Variants in GRIK3 observed in about 807,000 individuals in gnomAD.
GRIK3 encodes the protein glutamate ionotropic receptor kainate type subunit 3, also known as glutamate receptor ionotropic, kainate 3.
GRIK3 carries 29 observed loss-of-function variants against 102.5 expected under a neutral mutation model. The observed-to-expected ratio is 0.28, with a 90% CI of 0.21 to 0.39. The LOEUF (loss-of-function observed/expected upper bound fraction) is 0.39. Among genes scored for constraint, GRIK3 ranks in the 10% least tolerant of loss-of-function variants. The pLI is 1.00. For missense variants in GRIK3, 908 were observed against 1,252.4 expected (o/e 0.73, Z 4.15); for synonymous variants, 511 against 504.9 (o/e 1.01, Z -0.16).
intron 1 of GRIK3, among the ~76,000 whole-genome samples, chr1:36,998,666 A>G (rs139784600): frequency 0.01 from 1,560 of 152,228 alleles, 12 homozygotes; most frequent in Admixed American, 0.019. Context: ...TATCATCTCC[A>G]TTTTATAGAA....
At chr1:36,903,098 T>C (rs1357922664) in intron 1 of GRIK3, among the ~76,000 whole-genome samples, 2 of 152,222 alleles carry the variant, frequency 1.3e-5, no homozygotes, top group Non-Finnish European at 2.9e-5. Context: ...GATGATGGAC[T>C]ATTATCCAAC....
chr1:36,949,353 C>T (rs371363487), intron 1 of GRIK3, among the ~76,000 whole-genome samples: 1 of 152,186 alleles, frequency 6.6e-6, no homozygotes, highest in Admixed American at 6.5e-5. Flanking sequence ...CACTCTGTCT[C>T]TTTCAACTCT....
chr1:36,855,036 G>A (rs1640634760), intron 7 of GRIK3, among the ~76,000 whole-genome samples: 1 of 152,206 alleles, frequency 6.6e-6, no homozygotes, highest in African/African-American at 2.4e-5. Flanking sequence ...AGCTTTCTGT[G>A]TCAGGGGCAA....
rs144754408 is a variant in GRIK3, at chr1:36,880,710, C to T, written c.474G>A (p.Ser158=). 69 of 1,614,100 alleles carry T rather than the reference C, an allele frequency of 4.3e-5. No individual in the cohort carries two copies. The highest frequency in any genetic ancestry group is 1.7e-4 in the Admixed American group (10 of 60,008). Residue 158 remains serine, a synonymous_variant, in exon 3 of 16, where the codon TCG becomes TCA. Transcript: ENST00000373091. This position sits in a 1 kb window ranked among gnomAD's most constrained non-coding sequence, Gnocchi z 5.4. ...CCAGGTCGAGGATGGCATGGCTGAG[C>T]GAGGCGTAGTCGGGGTAGAGGTTCA... ...FYVNLYPDYA[S]LSHAILDLVQ...
intron 1 of GRIK3, among the ~76,000 whole-genome samples, chr1:36,938,663 A>G (rs1056919330): frequency 2.2e-4 from 34 of 151,448 alleles, no homozygotes; most frequent in African/African-American, 8.0e-4. Flanking sequence ...CCCCAGCCCC[A>G]CCTCTTTTAG....
At position 36,986,474 on chromosome 1, in the gene GRIK3, CCATCCAT is replaced by C. The variant is rs1557452984; in HGVS notation, c.115+47513_115+47519del. ...TCCATCCATCCATCAGCCCATCCAT[CCATCCAT>C]CCATCCATCCATCCATCCATCCATC... On this transcript the variant is annotated intron_variant, in intron 1 of 15. Coordinates refer to ENST00000373091, the MANE Select transcript of GRIK3 (RefSeq NM_000831.4). 4.7e-5 allele frequency among the ~76,000 whole-genome samples: 7 copies of C among 149,078 alleles called. No individual in the cohort carries two copies. In the South Asian group the frequency reaches 8.5e-4, roughly 18 times the overall value.
chr1:36,842,646 T>C (rs1445957725), intron 9 of GRIK3, among the ~76,000 whole-genome samples: 2 of 152,216 alleles, frequency 1.3e-5, no homozygotes, highest in Non-Finnish European at 2.9e-5. Context: ...TGCCGGGCAC[T>C]GGTCAATTAG....
chr1:37,025,310 C>T (rs532869878), intron 1 of GRIK3, among the ~76,000 whole-genome samples: 6 of 152,238 alleles, frequency 3.9e-5, no homozygotes, highest in Admixed American at 6.5e-5. Context: ...CCCAGATGAG[C>T]GGCATCATCA....
At chr1:36,859,753 T>C in intron 6 of GRIK3, 91 bp downstream of exon 6, 1 of 1,033,722 alleles carries the variant, frequency 9.7e-7, no homozygotes, top group South Asian at 1.4e-5. Context: ...AGAGAAGTGG[T>C]GGAGGGAAGA....
At chr1:36,982,164 G>A (rs754804813) in intron 1 of GRIK3, among the ~76,000 whole-genome samples, 18 of 152,186 alleles carry the variant, frequency 1.2e-4, no homozygotes, top group Admixed American at 1.3e-4. Flanking sequence ...TCTCAGGAAT[G>A]TGCCAGTTTG....
At chr1:36,858,331 A>G (rs1350080854) in intron 7 of GRIK3, among the ~76,000 whole-genome samples, 1 of 152,262 alleles carries the variant, frequency 6.6e-6, no homozygotes, top group East Asian at 1.9e-4. Flanking sequence ...CCAAAGTCAC[A>G]TAGCTAGTTG....
intron 1 of GRIK3, among the ~76,000 whole-genome samples, chr1:36,901,226 C>A (rs1446340482): frequency 6.6e-6 from 1 of 152,106 alleles, no homozygotes; most frequent in Non-Finnish European, 1.5e-5. Context: ...ACAAAGACAT[C>A]ACAAGAAATA....
chr1:36,913,102 TA>T (rs1641363656), intron 1 of GRIK3, among the ~76,000 whole-genome samples: 1 of 152,154 alleles, frequency 6.6e-6, no homozygotes, highest in African/African-American at 2.4e-5. Context: ...CAAGAGTGGA[TA>T]GGGGCCATGT....
At chr1:36,936,900 T>C (rs972237645) in intron 1 of GRIK3, among the ~76,000 whole-genome samples, 5 of 152,030 alleles carry the variant, frequency 3.3e-5, no homozygotes, top group African/African-American at 1.2e-4. Context: ...AACTATCTCA[T>C]GATGTTATTG....
chr1:36,982,848 C>T (rs1234168391), intron 1 of GRIK3, among the ~76,000 whole-genome samples: 1 of 152,012 alleles, frequency 6.6e-6, no homozygotes, highest in South Asian at 2.1e-4. Context: ...GAGCGCCTGC[C>T]AGGCTGGGTG....
intron 1 of GRIK3, among the ~76,000 whole-genome samples, chr1:37,030,550 C>G (rs1344984473): frequency 8.2e-6 from 1 of 121,392 alleles, no homozygotes. Flanking sequence ...CCACCCCCTC[C>G]CCCCCCCCAA....
At chr1:36,998,164 C>T (rs1328571384) in intron 1 of GRIK3, among the ~76,000 whole-genome samples, 2 of 152,196 alleles carry the variant, frequency 1.3e-5, no homozygotes, top group East Asian at 3.9e-4. Flanking sequence ...GACACTGGGA[C>T]ACCAGCAAAA....
chr1:36,841,427 C>A (rs575584159), intron 10 of GRIK3, among the ~76,000 whole-genome samples: 7 of 152,328 alleles, frequency 4.6e-5, no homozygotes, highest in African/African-American at 1.7e-4. Flanking sequence ...TACCAAGAAG[C>A]CACAGGCCTC....
Position 36,816,921 on chromosome 1 carries a change from A to G in GRIK3, c.2091+139T>C. On this transcript the variant is annotated intron_variant, in intron 13 of 15. Transcript: ENST00000373091. The stretch of plus-strand genomic sequence containing the variant: ...CTCCCCAAAGTCAACTAGTCCAAAC[A>G]CGGTGGGGCTGAGAGGGCTTCTGAC... 6.3e-6 allele frequency: 4 copies of G among 638,530 alleles called. No individual in the cohort carries two copies. In the Middle Eastern group the frequency reaches 1.3e-3, roughly 205 times the overall value. The allele number at this position is 638,530 out of a possible 1,614,324, so 39.6% of individuals were successfully genotyped here.
Sources: allele counts gnomAD v4.1 joint callset (sites outside exome capture counted in the v4.1 genomes callset), GRCh38; gene constraint gnomAD v4.1.1; non-coding constraint Gnocchi (gnomAD v3.1); transcripts MANE v1.5; gene names NCBI Gene and HGNC (gene_info 2026-07-23, HGNC 2026-07-21).